The following AK7 variants were observed in gnomAD, a reference collection of about 807,000 sequenced individuals.
AK7 encodes adenylate kinase 7.
In AK7, 78 loss-of-function variants were observed where a neutral mutation model predicts 96.6. That is an observed-to-expected ratio of 0.81 (90% confidence interval 0.67 to 0.97). The LOEUF (loss-of-function observed/expected upper bound fraction) is 0.97, where lower values mean the gene tolerates loss of function less well. Among genes scored for constraint, AK7 ranks in the 50% least tolerant of loss-of-function variants. The pLI, the probability that AK7 is intolerant of heterozygous loss-of-function variation, is 0.00. For synonymous variants in AK7, 302 were observed against 317.2 expected (o/e 0.95, Z 0.51); for missense variants, 855 against 887.9 (o/e 0.96, Z 0.47).
At chr14:96,438,493 C>A (rs1173419555) in intron 6 of AK7, among the ~76,000 whole-genome samples, 8 of 152,084 alleles carry the variant, frequency 5.3e-5, no homozygotes, top group Admixed American at 5.2e-4. Flanking sequence ...GAAAGACATC[C>A]CAGACAGTGA....
intron 2 of AK7, 110 bp from the exon 3 acceptor site, chr14:96,404,647 G>A (rs1890601390): frequency 1.8e-6 from 1 of 548,830 alleles, no homozygotes; most frequent in Admixed American, 2.9e-5. Flanking sequence ...AGTGTTTCCT[G>A]TGGGACTCCT....
At chr14:96,451,321 G>A in intron 9 of AK7, 100 bp from the exon 10 acceptor site, 1 of 1,033,568 alleles carries the variant, frequency 9.7e-7, no homozygotes, top group South Asian at 2.0e-5. Context: ...TTTAGTGAAT[G>A]TATATTGTTT....
intron 5 of AK7, among the ~76,000 whole-genome samples, chr14:96,427,319 G>A (rs1249701246): frequency 6.6e-6 from 1 of 152,166 alleles, no homozygotes; most frequent in African/African-American, 2.4e-5. Flanking sequence ...AGCATGTTTG[G>A]GGAGGCCTCA....
rs113589010 is a variant in AK7 at position 96,483,279 on chromosome 14, C to A, written c.1974+60C>A. On this transcript the variant is annotated intron_variant, in intron 16 of 17. Transcript: ENST00000267584. ...TGTGGAACAGGGGTGCGGTGCCTGG[C>A]AAAGCCATTTAGGCCAGTTCCACTT... 4.3e-4 allele frequency: 652 copies of A among 1,520,546 alleles called. 2 individuals carry two copies. In the African/African-American group the frequency reaches 7.7e-3, roughly 18 times the overall value. 94.2% of individuals were successfully genotyped at this position (1,520,546 alleles called of 1,614,324 possible).
rs1892775686 is a variant in AK7 at position 96,438,496 on chromosome 14, G to A, written c.690+581G>A. Among the ~76,000 whole-genome samples, 4 of 152,182 alleles carry A rather than the reference G, an allele frequency of 2.6e-5. No homozygotes were observed. In the South Asian group the frequency reaches 8.3e-4, roughly 31 times the overall value. On this transcript the variant is annotated intron_variant, in intron 6 of 17. Coordinates refer to ENST00000267584, the MANE Select transcript of AK7 (RefSeq NM_152327.5). ...CGGCTTTCTGGAGAAAGACATCCCA[G>A]ACAGTGAGAATTGTTACTGCAAAGA...
In AK7 at chr14:96,449,748, A is replaced by G. The variant is rs904168713; in HGVS notation, c.871-54A>G. The G allele has an allele frequency of 3.6e-6, 5 of 1,405,208 alleles. No homozygotes were observed. The African/African-American group carries it at 5.7e-5, about 16-fold the overall frequency. 87.0% of individuals were successfully genotyped at this position (1,405,208 alleles called of 1,614,324 possible). ...TGCGCCTGGCCCATTTGAGTTTTAT[A>G]TAAAGTAAAACCTTCCAGGTAAACC... is the stretch of plus-strand genomic sequence containing the variant. On this transcript the variant is annotated intron_variant, in intron 8 of 17. Coordinates refer to ENST00000267584, the MANE Select transcript of AK7 (RefSeq NM_152327.5).
At chr14:96,432,256 C>T (rs963304171) in intron 5 of AK7, among the ~76,000 whole-genome samples, 16 of 145,596 alleles carry the variant, frequency 1.1e-4, no homozygotes, top group African/African-American at 3.6e-4. Context: ...TTCCTCCAGC[C>T]GTTTATTTTG....
Position 96,404,780 on chromosome 14 carries a change from C to T in AK7, c.318C>T (p.Leu106=). 1 of 1,608,300 alleles carries T rather than the reference C, an allele frequency of 6.2e-7. No individual in the cohort carries two copies. The highest frequency in any genetic ancestry group is 1.1e-5 in the South Asian group (1 of 90,804). Residue 106 remains leucine, a synonymous_variant, in exon 3 of 18, where the codon CTC becomes CTT. Transcript: ENST00000267584. ...TYSAISREDL[L]MRLLECDVII... Reference sequence around the variant, plus strand: ...AGGCCATCTCTCGAGAAGACCTTCTCATGCGCCTGCTGGAGTGTGATGTTA... The same window carrying T: ...AGGCCATCTCTCGAGAAGACCTTCTTATGCGCCTGCTGGAGTGTGATGTTA...
chr14:96,423,049 T>C (rs1891801654), intron 5 of AK7, among the ~76,000 whole-genome samples: 1 of 152,210 alleles, frequency 6.6e-6, no homozygotes, highest in African/African-American at 2.4e-5. Flanking sequence ...CAGACACAGA[T>C]GTAGGGATTC....
chr14:96,487,171 TAG>T (rs1895816189), intron 17 of AK7, 115 bp downstream of exon 17: 1 of 1,042,504 alleles, frequency 9.6e-7, no homozygotes, highest in African/African-American at 1.6e-5. Context: ...GGTCAGGAGT[TAG>T]AGACCACCCT....
intron 10 of AK7, among the ~76,000 whole-genome samples, chr14:96,451,930 A>G (rs1566793528): frequency 6.6e-6 from 1 of 152,188 alleles, no homozygotes; most frequent in African/African-American, 2.4e-5. Flanking sequence ...TGTTGTCCAT[A>G]TAAAGAAGAA....
chr14:96,481,484 T>G (rs1177786569), intron 15 of AK7, among the ~76,000 whole-genome samples: 1 of 150,996 alleles, frequency 6.6e-6, no homozygotes, highest in Non-Finnish European at 1.5e-5. Flanking sequence ...GTAGCTGGGA[T>G]TACAGGTGTA....
intron 15 of AK7, among the ~76,000 whole-genome samples, chr14:96,481,797 C>T (rs191885582): frequency 5.5e-4 from 83 of 150,788 alleles, no homozygotes; most frequent in African/African-American, 1.8e-3. Flanking sequence ...CTCTGCTTCC[C>T]GGGTTCAAGT....
At chr14:96,403,250 G>A (rs1396712427) in intron 2 of AK7, among the ~76,000 whole-genome samples, 1 of 152,080 alleles carries the variant, frequency 6.6e-6, no homozygotes, top group African/African-American at 2.4e-5. Context: ...AGAACATCAT[G>A]TGAATATCAA....
intron 1 of AK7, among the ~76,000 whole-genome samples, chr14:96,397,404 A>G (rs1447860286): frequency 6.6e-6 from 1 of 152,068 alleles, no homozygotes; most frequent in African/African-American, 2.4e-5. Context: ...GTGCACCGCC[A>G]TGCCCAGCTA....
intron 4 of AK7, among the ~76,000 whole-genome samples, chr14:96,412,945 C>G (rs766395127): frequency 2.0e-5 from 3 of 152,200 alleles, no homozygotes; most frequent in African/African-American, 4.8e-5. Flanking sequence ...GGAAAAAAAT[C>G]ATTGTCAGCT....
intron 9 of AK7, among the ~76,000 whole-genome samples, chr14:96,450,142 C>G (rs376134950): frequency 4.0e-5 from 6 of 151,858 alleles, no homozygotes; most frequent in African/African-American, 1.5e-4. Flanking sequence ...TTGGGCCGGG[C>G]GCGGTGATTC....
At position 96,392,231 on chromosome 14, in the gene AK7, A is replaced by T. The variant is rs911417725; in HGVS notation, c.77A>T (p.Asp26Val). 6.2e-7 allele frequency: 1 copy of T among 1,613,312 alleles called. No individual in the cohort carries two copies. Among genetic ancestry groups the T allele is most frequent in the Non-Finnish European group, 8.5e-7 (1 of 1,179,448 alleles). ...RTQRVFINLL[D>V]SYSSGNIGKF... ...CAGAGGGTGTTTATAAACCTGTTGG[A>T]TTCCTACAGCAGCGGAAACATCGGG... Residue 26 changes from aspartate to valine, a missense_variant, in exon 1 of 18, where the codon GAT becomes GTT. Coordinates refer to ENST00000267584, the MANE Select transcript of AK7 (RefSeq NM_152327.5).
Position 96,442,751 on chromosome 14 carries a change from C to G in AK7, c.712C>G (p.Pro238Ala), listed in dbSNP as rs868058442. The G allele has an allele frequency of 1.2e-6, 2 of 1,614,058 alleles. No homozygotes were observed. The highest frequency in any genetic ancestry group is 2.2e-5 in the East Asian group (1 of 44,900). Residue 238 changes from proline (P) to alanine (A), a missense_variant, in exon 7 of 18, where the codon CCT (proline) becomes GCT (alanine). By Grantham distance (27) the Pro-to-Ala change is conservative (BLOSUM62 -1). Coordinates refer to ENST00000267584, the MANE Select transcript of AK7 (RefSeq NM_152327.5). ...TCAGATGGCTTGGTTGGGCGAGATT[C>G]CTGCATTACCAGTTTTTGGCGATGG... ...FFKMAWLGEI[P>A]ALPVFGDGTN...
Sources: allele counts gnomAD v4.1 joint callset (sites outside exome capture counted in the v4.1 genomes callset), GRCh38; gene constraint gnomAD v4.1.1; transcripts MANE v1.5; gene names NCBI Gene and HGNC (gene_info 2026-07-23, HGNC 2026-07-21).